The following ASTN2 variants were observed in gnomAD, a reference collection of about 807,000 sequenced individuals.
ASTN2 encodes the protein astrotactin-2.
A neutral mutation model predicts 139.8 loss-of-function variants in ASTN2; 54 were observed. That is an observed-to-expected ratio of 0.39 (90% CI 0.31 to 0.48). ASTN2 has a LOEUF of 0.48. ASTN2 is among the 20% of genes least tolerant of loss of function. The pLI, the probability that ASTN2 is intolerant of heterozygous loss-of-function variation, is 0.95. For synonymous variants in ASTN2, 756 were observed against 719.5 expected (o/e 1.05, Z -0.81); for missense variants, 1,565 against 1,725.1 (o/e 0.91, Z 1.64).
chr9:116,768,590 T>C (rs1829875263), intron 13 of ASTN2, among the ~76,000 whole-genome samples: 1 of 152,226 alleles, frequency 6.6e-6, no homozygotes, highest in Admixed American at 6.5e-5. Flanking sequence ...GTTGAAATTC[T>C]AATGGCCAAG....
At chr9:117,169,870 A>T (rs1450920798) in intron 3 of ASTN2, among the ~76,000 whole-genome samples, 1 of 152,170 alleles carries the variant, frequency 6.6e-6, no homozygotes, top group Non-Finnish European at 1.5e-5. Flanking sequence ...AAACTCTAAG[A>T]GAAAGTGCCT....
At chr9:116,632,834 A>G (rs999549419) in intron 17 of ASTN2, among the ~76,000 whole-genome samples, 2 of 152,320 alleles carry the variant, frequency 1.3e-5, no homozygotes, top group Middle Eastern at 6.8e-3. Flanking sequence ...TGGACTTACC[A>G]CATTTTATGG....
At chr9:117,023,977 T>C (rs1339774783) in intron 6 of ASTN2, among the ~76,000 whole-genome samples, 3 of 151,718 alleles carry the variant, frequency 2.0e-5, no homozygotes, top group Admixed American at 6.6e-5. Flanking sequence ...GGGTGCGAGG[T>C]TGGGGAGGGG....
chr9:116,457,969 T>C (rs746684093), intron 20 of ASTN2, among the ~76,000 whole-genome samples: 4 of 151,922 alleles, frequency 2.6e-5, no homozygotes, highest in Non-Finnish European at 5.9e-5. Flanking sequence ...AACAGACTAA[T>C]GGATAAAGAA....
chr9:116,615,765 A>C (rs1269862237), intron 19 of ASTN2, among the ~76,000 whole-genome samples: 1 of 151,068 alleles, frequency 6.6e-6, no homozygotes, highest in Non-Finnish European at 1.5e-5. Flanking sequence ...TAGGAGATAT[A>C]CCTAATGTAA....
chr9:116,440,864 A>G (rs1847819255), intron 21 of ASTN2, 72 bp from the exon 22 acceptor site: 3 of 1,465,086 alleles, frequency 2.0e-6, no homozygotes, highest in South Asian at 2.6e-5. Context: ...ATGGGCTTCA[A>G]TAAGAAAGGC....
Position 116,734,570 on chromosome 9 carries a change from G to A in ASTN2, c.2397-1047C>T, listed in dbSNP as rs148848682. Among the ~76,000 whole-genome samples the A allele has an allele frequency of 3.3e-4, 50 of 152,248 alleles. No homozygotes were observed. In the East Asian group the frequency reaches 9.3e-3, roughly 28 times the overall value. On this transcript the variant is annotated intron_variant, in intron 13 of 22. Coordinates refer to ENST00000313400, the MANE Select transcript of ASTN2 (RefSeq NM_001365068.1). ...AAGACATGAATTATAGTCTGGAGAG[G>A]AGGAGGAGAGAAGAGAAGGGGGAGG...
At chr9:116,564,671 T>C (rs1461440777) in intron 19 of ASTN2, among the ~76,000 whole-genome samples, 1 of 152,236 alleles carries the variant, frequency 6.6e-6, no homozygotes, top group Non-Finnish European at 1.5e-5. Context: ...TTCCCAGTGC[T>C]TGTGAAAGGA....
intron 2 of ASTN2, 84 bp downstream of exon 2, chr9:117,291,242 G>A (rs774522297): frequency 4.0e-6 from 6 of 1,511,904 alleles, no homozygotes; most frequent in Non-Finnish European, 3.6e-6. Context: ...TTCCATCTGT[G>A]GACAATCCCC....
At chr9:117,289,966 T>A (rs920696014) in intron 2 of ASTN2, among the ~76,000 whole-genome samples, 3 of 152,144 alleles carry the variant, frequency 2.0e-5, no homozygotes, top group African/African-American at 7.2e-5. Context: ...TCAGCCCTAA[T>A]CAGAATGTCT....
intron 5 of ASTN2, among the ~76,000 whole-genome samples, chr9:117,064,320 GGT>G (rs1008058215): frequency 6.6e-6 from 1 of 152,022 alleles, no homozygotes; most frequent in African/African-American, 2.4e-5. Flanking sequence ...GTATCTACTG[GGT>G]GTCACAGTCT....
chr9:116,523,822 T>C (rs2119250603), intron 19 of ASTN2, among the ~76,000 whole-genome samples: 1 of 152,234 alleles, frequency 6.6e-6, no homozygotes, highest in Non-Finnish European at 1.5e-5. Context: ...TGGGCCTTAC[T>C]TCACAAATTA....
intron 16 of ASTN2, among the ~76,000 whole-genome samples, chr9:116,681,623 T>G (rs1041615420): frequency 3.3e-5 from 5 of 152,124 alleles, no homozygotes; most frequent in African/African-American, 1.2e-4. Flanking sequence ...GACTTCAAAC[T>G]ATACTACAAG....
intron 1 of ASTN2, among the ~76,000 whole-genome samples, chr9:117,310,615 G>A (rs571961738): frequency 4.9e-4 from 75 of 152,126 alleles, no homozygotes; most frequent in African/African-American, 1.7e-3. Context: ...TCCTGGGCAC[G>A]GTTTTGTTGT....
At chr9:117,408,591 C>T (rs553628795) in intron 1 of ASTN2, among the ~76,000 whole-genome samples, 50 of 152,208 alleles carry the variant, frequency 3.3e-4, no homozygotes, top group Non-Finnish European at 6.3e-4. Context: ...CCTAGTCAAT[C>T]CTCCTGCTGC....
At chr9:116,758,266 C>T (rs917409970) in intron 13 of ASTN2, among the ~76,000 whole-genome samples, 9 of 152,150 alleles carry the variant, frequency 5.9e-5, no homozygotes, top group South Asian at 2.1e-4. Flanking sequence ...AAAAAGGCCT[C>T]GCACAAAGAA....
chr9:116,727,064 GCCTC>G (rs776622766), intron 15 of ASTN2, among the ~76,000 whole-genome samples: 12 of 146,362 alleles, frequency 8.2e-5, no homozygotes, highest in South Asian at 2.2e-4. Flanking sequence ...ACCTGAAATG[GCCTC>G]CCTATGTCCT....
chr9:117,413,492 A>C (rs1831230359), intron 1 of ASTN2, among the ~76,000 whole-genome samples: 2 of 152,188 alleles, frequency 1.3e-5, no homozygotes, highest in South Asian at 2.1e-4. Context: ...GCGAGCAAGC[A>C]GCGAGCGCGG....
intron 11 of ASTN2, among the ~76,000 whole-genome samples, chr9:116,826,752 C>G (rs373844468): frequency 1.3e-5 from 2 of 152,208 alleles, no homozygotes; most frequent in East Asian, 3.9e-4. Context: ...AACACTGAAG[C>G]CAGTGTAAGC....
Sources: allele counts gnomAD v4.1 joint callset (sites outside exome capture counted in the v4.1 genomes callset), GRCh38; gene constraint gnomAD v4.1.1; transcripts MANE v1.5; gene names NCBI Gene and HGNC (gene_info 2026-07-23, HGNC 2026-07-21).